TUT1: variants seen among roughly 807,000 people sequenced by gnomAD.
TUT1 encodes the protein speckle targeted PIP5K1A-regulated poly(A) polymerase.
A neutral mutation model predicts 48.8 loss-of-function variants in TUT1; 26 were observed. The observed-to-expected ratio is 0.53, with a 90% CI of 0.39 to 0.74. The LOEUF is 0.74. Among genes scored for constraint, TUT1 ranks in the 30% least tolerant of loss-of-function variants. TUT1 has a pLI of 0.00. For synonymous variants in TUT1, 470 were observed against 460.8 expected, an observed-to-expected ratio of 1.02 and a Z score of -0.26; for missense variants, 1,065 against 1,114.8, an observed-to-expected ratio of 0.96 and a Z score of 0.64.
intron 2 of TUT1, among the ~76,000 whole-genome samples, chr11:62,582,782 T>C (rs1941852323): frequency 1.3e-5 from 2 of 152,158 alleles, no homozygotes; most frequent in African/African-American, 4.8e-5. Flanking sequence ...TTTTTAAACA[T>C]TTATTAAGGA....
chr11:62,591,252 A>G, intron 1 of TUT1, 152 bp downstream of exon 1: 1 of 1,359,790 alleles, frequency 7.4e-7, no homozygotes, highest in African/African-American at 1.5e-5. Context: ...CGACTCTCCA[A>G]ATCCCCTCGG....
chr11:62,582,442 G>A, intron 2 of TUT1: 3 of 277,116 alleles, frequency 1.1e-5, no homozygotes, highest in Non-Finnish European at 1.5e-5. Flanking sequence ...AAAAGAAAAA[G>A]AAAATTAGCC....
chr11:62,585,619 G>A (rs1010648793), intron 2 of TUT1, among the ~76,000 whole-genome samples: 3 of 152,032 alleles, frequency 2.0e-5, no homozygotes, highest in Non-Finnish European at 2.9e-5. Context: ...ATCATGTGAC[G>A]CCAGGAGTTC....
intron 4 of TUT1, among the ~76,000 whole-genome samples, chr11:62,580,635 C>G (rs1192477732): frequency 7.2e-6 from 1 of 138,768 alleles, no homozygotes; most frequent in Admixed American, 7.3e-5. Context: ...AGGAGTCTCC[C>G]TCTGTCACCC....
At position 62,575,362 on chromosome 11, in the gene TUT1, T is replaced by C; in HGVS notation, c.2357A>G (p.Gln786Arg). 1 of 1,613,824 alleles carries C rather than the reference T, an allele frequency of 6.2e-7. No homozygotes were observed. The change falls in exon 9 of 9, where the codon CAG (glutamine) becomes CGG (arginine). Residue 786 changes from glutamine (Q) to arginine (R), a missense_variant. Gln to Arg is a conservative substitution (Grantham distance 43). Transcript: ENST00000476907. ...QGRRRARRRL[Q>R]QQTKEGAGGG... ...TCCAGCTCCCTCCTTGGTTTGCTGC[T>C]GCAAGCGTCTACGGGCTCGCCGCCG...
Position 62,575,538 on chromosome 11 carries a change from C to G in TUT1, c.2181G>C (p.Glu727Asp), listed in dbSNP as rs1179727568. ...CCAGGGCTGCGTGGCTGGGCTGCCC[C>G]TCTTCTCCAGGGGCTCCATGCTTTC... ...TTGKHGAPGE[E>D]GQPSHAALAE... is the part of the protein sequence containing the mutation. Residue 727 changes from glutamate (E) to aspartate (D), a missense_variant, in exon 9 of 9, where the codon GAG becomes GAC. By Grantham distance (45) the Glu-to-Asp change is conservative. Coordinates refer to ENST00000476907, the MANE Select transcript of TUT1 (RefSeq NM_022830.3). 19 of 1,613,784 alleles carry G rather than the reference C, an allele frequency of 1.2e-5. No individual in the cohort carries two copies. The highest frequency in any genetic ancestry group is 1.3e-5 in the African/African-American group (1 of 74,920).
At chr11:62,586,357 T>C (rs1452534128) in intron 2 of TUT1, among the ~76,000 whole-genome samples, 1 of 152,234 alleles carries the variant, frequency 6.6e-6, no homozygotes, top group African/African-American at 2.4e-5. Flanking sequence ...TCACAAGCAG[T>C]GTCTTAAACT....
At position 62,576,102 on chromosome 11, in the gene TUT1, C is replaced by G. The variant is rs764755716; in HGVS notation, c.1617G>C (p.Leu539=). Residue 539 remains leucine, a synonymous_variant, in exon 9 of 9, where the codon CTG becomes CTC. Transcript: ENST00000476907. ...TCAGGTCAAAAGGGTCCTGGAGATT[C>G]AGGGGGCCAAGGCGCAGACCCTCCC... ...NLWEGLRLGP[L]NLQDPFDLSH... 6.2e-7 allele frequency: 1 copy of G among 1,614,028 alleles called. No homozygotes were observed. The highest frequency in any genetic ancestry group is 2.2e-5 in the East Asian group (1 of 44,882).
intron 1 of TUT1, among the ~76,000 whole-genome samples, chr11:62,590,924 T>C (rs1366257347): frequency 1.3e-5 from 2 of 152,306 alleles, no homozygotes; most frequent in East Asian, 1.9e-4. Flanking sequence ...TGGTACCTTA[T>C]GGTCTAGTCA....
In TUT1 at chr11:62,575,189, T is replaced by A; in HGVS notation, c.2530A>T (p.Thr844Ser). ...ASVSPADRML[T>S]VTPLQDPQGL... ...TGGGGATCCTGGAGCGGGGTCACAG[T>A]GAGCATTCGGTCAGCCGGGGAGACA... The change falls in exon 9 of 9, where the codon ACT becomes TCT. Residue 844 changes from threonine (T) to serine (S), a missense_variant. Physicochemically the swap from Thr to Ser is moderately conservative, Grantham distance 58. Coordinates refer to ENST00000476907, the MANE Select transcript of TUT1 (RefSeq NM_022830.3). 1 of 1,611,666 alleles carries A rather than the reference T, an allele frequency of 6.2e-7. No homozygotes were observed. Among genetic ancestry groups the A allele is most frequent in the Non-Finnish European group, 8.5e-7 (1 of 1,177,946 alleles).
rs367824613 is a variant in TUT1, at chr11:62,589,235, T to C, written c.83-14A>G. 2.2e-5 allele frequency: 36 copies of C among 1,612,378 alleles called. No individual in the cohort carries two copies. Among genetic ancestry groups the C allele is most frequent in the Non-Finnish European group, 2.7e-5 (32 of 1,178,812 alleles). On this transcript the variant is annotated splice_polypyrimidine_tract_variant and intron_variant, in intron 1 of 8. Coordinates refer to ENST00000476907, the MANE Select transcript of TUT1 (RefSeq NM_022830.3). ...CAAGGCTGGGTCCTGCAAAGACAAG[T>C]GTGAGACAAAAACATGCAAAGCACT... is the stretch of plus-strand genomic sequence containing the variant.
At position 62,581,619 on chromosome 11, in the gene TUT1, T is replaced by C. The variant is rs556621844; in HGVS notation, c.356A>G (p.His119Arg). The C allele has an allele frequency of 6.3e-6, 10 of 1,584,816 alleles. No individual in the cohort carries two copies. The East Asian group carries it at 2.0e-4, about 32-fold the overall frequency. The change falls in exon 3 of 9, where the codon CAT (histidine) becomes CGT (arginine). Residue 119 changes from histidine to arginine, a missense_variant. Physicochemically the swap from His to Arg is conservative, Grantham distance 29 (BLOSUM62 0). Transcript: ENST00000476907. ...LSQSQHSLGG[H>R]RLRVRPREQK... ...CTCCCGTGGGCGGACACGCAGGCGA[T>C]GTCCTCCCAGGCTGTGCTGGGACTG...
intron 2 of TUT1, chr11:62,582,474 T>A (rs1432927465): frequency 2.7e-6 from 1 of 368,774 alleles, no homozygotes; most frequent in African/African-American, 2.2e-5. Flanking sequence ...CACACACCTG[T>A]AGTTCCAATT....
Position 62,579,035 on chromosome 11 carries a change from G to C in TUT1, c.691-5C>G, listed in dbSNP as rs1020595546. The stretch of plus-strand genomic sequence containing the variant: ...TTCTGGAGCCTTTGGGACTGGCTGT[G>C]GACAGAAATGAACTGAGTGAAATGT... On this transcript the variant is annotated splice_polypyrimidine_tract_variant and splice_region_variant and intron_variant, in intron 4 of 8. Transcript: ENST00000476907. 4.6e-6 allele frequency: 7 copies of C among 1,505,394 alleles called. No individual in the cohort carries two copies. Among genetic ancestry groups the C allele is most frequent in the Non-Finnish European group, 4.4e-6 (5 of 1,127,822 alleles). 93.3% of individuals were successfully genotyped at this position (1,505,394 alleles called of 1,614,324 possible).
intron 4 of TUT1, among the ~76,000 whole-genome samples, chr11:62,580,554 T>G (rs1181142933): frequency 6.6e-6 from 1 of 151,678 alleles, no homozygotes; most frequent in Non-Finnish European, 1.5e-5. Flanking sequence ...GCACACACCA[T>G]TTTGAAATTT....
At position 62,576,937 on chromosome 11, in the gene TUT1, G is replaced by A. The variant is rs1225704666; in HGVS notation, c.1351C>T (p.Pro451Ser). Residue 451 changes from proline (P) to serine (S), a missense_variant, in exon 7 of 9, where the codon CCC (proline) becomes TCC (serine). Pro to Ser is a moderately conservative substitution (Grantham distance 74, BLOSUM62 -1). Transcript: ENST00000476907. ...TTCTGGGTGAGCTGGGACACAGTGGGCAACACAGGAGGGTCCCTGGTCTGA... is the reference window on the plus strand; with the variant it reads ...TTCTGGGTGAGCTGGGACACAGTGGACAACACAGGAGGGTCCCTGGTCTGA... ...FLQTRDPPVLPTVSQLTQKAG... is the reference protein window; with the variant it reads ...FLQTRDPPVLSTVSQLTQKAG... The A allele has an allele frequency of 1.2e-6, 2 of 1,614,104 alleles. No individual in the cohort carries two copies. Among genetic ancestry groups the A allele is most frequent in the Non-Finnish European group, 1.7e-6 (2 of 1,180,008 alleles).
In TUT1 at chr11:62,581,651, G is replaced by C; in HGVS notation, c.324C>G (p.Val108=). 6.6e-7 allele frequency: 1 copy of C among 1,518,340 alleles called. No homozygotes were observed. The highest frequency in any genetic ancestry group is 1.3e-5 in the South Asian group (1 of 76,228). The allele number at this position is 1,518,340 out of a possible 1,614,324, so 94.1% of individuals were successfully genotyped here. ...EMGDVGAREA[V]LSQSQHSLGG... ...CCAGGCTGTGCTGGGACTGTGACAA[G>C]ACAGCCTCTCGAGCACCCACGTCCC... Residue 108 remains valine, a synonymous_variant, in exon 3 of 9, where the codon GTC becomes GTG. Transcript: ENST00000476907.
In TUT1 at chr11:62,576,978, A is replaced by G. The variant is rs374881705; in HGVS notation, c.1310T>C (p.Leu437Pro). 5 of 1,614,050 alleles carry G rather than the reference A, an allele frequency of 3.1e-6. No individual in the cohort carries two copies. The highest frequency in any genetic ancestry group is 4.2e-6 in the Non-Finnish European group (5 of 1,180,028). ...PLLSNYALTL[L>P]VIYFLQTRDP... ...CCTGGTCTGAAGAAAATAGATCACCAGCAAGGTCAGGGCGTAGTTACTGAG... is the reference window on the plus strand; with the variant it reads ...CCTGGTCTGAAGAAAATAGATCACCGGCAAGGTCAGGGCGTAGTTACTGAG... Residue 437 changes from leucine (L) to proline (P), a missense_variant, in exon 7 of 9, where the codon CTG becomes CCG. Leu to Pro is a moderately conservative substitution (Grantham distance 98, BLOSUM62 -3). Coordinates refer to ENST00000476907, the MANE Select transcript of TUT1 (RefSeq NM_022830.3).
intron 1 of TUT1, among the ~76,000 whole-genome samples, chr11:62,590,007 G>A (rs575983204): frequency 2.6e-5 from 4 of 152,314 alleles, no homozygotes; most frequent in South Asian, 2.1e-4. Context: ...TCTGGTACAC[G>A]GTAAATGTTG....
Sources: gnomAD v4.1 joint callset for allele counts (sites outside exome capture counted in the v4.1 genomes callset) on GRCh38, gnomAD v4.1.1 for gene constraint, MANE v1.5 for transcripts, NCBI Gene and HGNC (gene_info 2026-07-23, HGNC 2026-07-21) for gene names.